MAML1: variants seen among roughly 807,000 people sequenced by gnomAD.
The protein encoded by MAML1 is mastermind like transcriptional coactivator 1.
A neutral mutation model predicts 77.1 loss-of-function variants in MAML1; 14 were observed. The observed-to-expected ratio is 0.18, with a 90% CI of 0.12 to 0.28. The LOEUF (loss-of-function observed/expected upper bound fraction) is 0.28, where lower values mean the gene tolerates loss of function less well. MAML1 is among the 10% of genes least tolerant of loss of function. The pLI is 1.00. For synonymous variants in MAML1, 516 were observed against 551.9 expected (o/e 0.93, Z 0.91); for missense variants, 1,217 against 1,327.8 (o/e 0.92, Z 1.30).
chr5:179,751,691 C>T (rs539953650), intron 1 of MAML1, among the ~76,000 whole-genome samples: 6 of 151,452 alleles, frequency 4.0e-5, no homozygotes, highest in African/African-American at 1.5e-4. Context: ...GGTGACAGAG[C>T]GAGACTCCAT....
chr5:179,747,296 A>T (rs1443546012), intron 1 of MAML1, among the ~76,000 whole-genome samples: 1 of 152,250 alleles, frequency 6.6e-6, no homozygotes, highest in Non-Finnish European at 1.5e-5. Flanking sequence ...ATGGTATTAT[A>T]GAAGGTGCTC....
intron 1 of MAML1, among the ~76,000 whole-genome samples, chr5:179,763,476 G>A (rs1779758165): frequency 2.0e-5 from 3 of 150,368 alleles, no homozygotes; most frequent in South Asian, 2.1e-4. Flanking sequence ...TTTTCAGACC[G>A]ACTTAGTTAC....
At chr5:179,752,075 C>G (rs1414705354) in intron 1 of MAML1, among the ~76,000 whole-genome samples, 2 of 151,750 alleles carry the variant, frequency 1.3e-5, no homozygotes, top group African/African-American at 2.4e-5. Context: ...CACCTGTAAT[C>G]CCAGCACTTT....
intron 2 of MAML1, 57 bp from the exon 3 acceptor site, chr5:179,768,793 G>C: frequency 1.4e-5 from 22 of 1,590,564 alleles, no homozygotes; most frequent in Non-Finnish European, 1.9e-5. Flanking sequence ...ACTGGATGGA[G>C]CTTATTTGGT....
rs548154551 is a variant in MAML1 at position 179,759,908 on chromosome 5, T to C, written c.316-5418T>C. ...GAGAAGTGGGTGGGTTCAAGAAATA[T>C]TAAGGAGGTAGACTCTACAGGACTT... On this transcript the variant is annotated intron_variant, in intron 1 of 4. Transcript: ENST00000292599. 9.2e-5 allele frequency among the ~76,000 whole-genome samples: 14 copies of C among 152,206 alleles called. No individual in the cohort carries two copies. In the East Asian group the frequency reaches 2.3e-3, roughly 25 times the overall value.
rs563577675 is a variant in MAML1, at chr5:179,738,954, A to G, written c.315+5527A>G. Among the ~76,000 whole-genome samples the G allele has an allele frequency of 1.7e-3, 253 of 151,920 alleles. 3 individuals carry two copies. The highest frequency in any genetic ancestry group is 5.9e-3 in the African/African-American group (245 of 41,476). ...AGCCACCACACCCAGCCTCATTGGCATCTTAGTCATCATTCTTCGTGACTT... is the reference window on the plus strand; with the variant it reads ...AGCCACCACACCCAGCCTCATTGGCGTCTTAGTCATCATTCTTCGTGACTT... On this transcript the variant is annotated intron_variant, in intron 1 of 4. Transcript: ENST00000292599.
Position 179,775,431 on chromosome 5 carries a change from C to G in MAML1, c.*554C>G. 6.1e-6 allele frequency: 6 copies of G among 985,398 alleles called. No homozygotes were observed. The highest frequency in any genetic ancestry group is 7.2e-6 in the Non-Finnish European group (6 of 829,928). The allele number at this position is 985,398 out of a possible 1,614,324, so 61.0% of individuals were successfully genotyped here. A position where few individuals can be genotyped will look rare whatever the true frequency, so the allele number is the denominator to read the frequency against. ...CCTAGGGTTTCCTTTTGATTAAGAG[C>G]CTTTTTTGTTTCTGCTCTTTGTCAG... is the stretch of plus-strand genomic sequence containing the variant. On this transcript the variant is annotated 3_prime_UTR_variant, in exon 5 of 5. Coordinates refer to ENST00000292599, the MANE Select transcript of MAML1 (RefSeq NM_014757.5).
chr5:179,735,063 T>C (rs1163703342), intron 1 of MAML1, among the ~76,000 whole-genome samples: 4 of 152,128 alleles, frequency 2.6e-5, no homozygotes, highest in Non-Finnish European at 5.9e-5. Flanking sequence ...TTGGGAGATA[T>C]ACCTAATGCT....
At position 179,775,322 on chromosome 5, in the gene MAML1, A is replaced by G. The variant is rs993565514; in HGVS notation, c.*445A>G. The G allele has an allele frequency of 6.1e-6, 6 of 984,288 alleles. No individual in the cohort carries two copies. The highest frequency in any genetic ancestry group is 5.3e-5 in the African/African-American group (3 of 56,314). The allele number at this position is 984,288 out of a possible 1,614,324, so 61.0% of individuals were successfully genotyped here. A position where few individuals can be genotyped will look rare whatever the true frequency, so the allele number is the denominator to read the frequency against. On this transcript the variant is annotated 3_prime_UTR_variant, in exon 5 of 5. Transcript: ENST00000292599. ...GAATTATTTGCAATTTGTAGCATAG[A>G]AAAGATTTTTAAATTTTTTTACAAA...
At position 179,774,130 on chromosome 5, in the gene MAML1, C is replaced by G; in HGVS notation, c.2304C>G (p.Ala768=). ...CTTCTGGCATAACCCAGATAGTTGC[C>G]CAGCCCCCGCCACAGGCCACCAATG... ...GMASGITQIV[A]QPPPQATNGH... The change falls in exon 5 of 5, where the codon GCC becomes GCG. Residue 768 remains alanine, a synonymous_variant. Transcript: ENST00000292599. 6.2e-7 allele frequency: 1 copy of G among 1,613,242 alleles called. No individual in the cohort carries two copies. Among genetic ancestry groups the G allele is most frequent in the Non-Finnish European group, 8.5e-7 (1 of 1,179,996 alleles).
rs1756079156 is a variant in MAML1 at position 179,774,336 on chromosome 5, C to T, written c.2510C>T (p.Ser837Phe). ...RVSPAMGGQN[S>F]SWQHQGMPNL... ...TCACCAGCCATGGGAGGCCAGAATT[C>T]CTCCTGGCAGCATCAGGGAATGCCG... The change falls in exon 5 of 5, where the codon TCC (serine) becomes TTC (phenylalanine). Residue 837 changes from serine (S) to phenylalanine (F), a missense_variant. By Grantham distance (155) the Ser-to-Phe change is radical. Transcript: ENST00000292599. The T allele has an allele frequency of 1.2e-6, 2 of 1,613,422 alleles. No homozygotes were observed. The highest frequency in any genetic ancestry group is 1.7e-6 in the Non-Finnish European group (2 of 1,180,032).
At chr5:179,749,333 T>C (rs1051310763) in intron 1 of MAML1, among the ~76,000 whole-genome samples, 1 of 151,924 alleles carries the variant, frequency 6.6e-6, no homozygotes, top group African/African-American at 2.4e-5. Context: ...TCCACGTTGG[T>C]CAGGCTGGTC....
Position 179,771,982 on chromosome 5 carries a change from G to A in MAML1, c.2068+739G>A, listed in dbSNP as rs575336295. Among the ~76,000 whole-genome samples the A allele has an allele frequency of 2.6e-5, 4 of 152,326 alleles. No homozygotes were observed. The highest frequency in any genetic ancestry group is 7.2e-5 in the African/African-American group (3 of 41,566). ...TATGTATGTGCTACCTGGGGTCAAC[G>A]TGGGGTTGAAATCTGCAGGCATTTC... On this transcript the variant is annotated intron_variant, in intron 4 of 4. Transcript: ENST00000292599. This position sits in a 1 kb window ranked among gnomAD's most constrained non-coding sequence, Gnocchi z 4.7.
Position 179,766,297 on chromosome 5 carries a change from A to T in MAML1, c.1287A>T (p.Thr429=). ...CACCAGCCCCGGGCCAGATGTCCAC[A>T]TGGCAGCAGACGGGGCCCTCCCACA... ...TPAPAPGQMS[T]WQQTGPSHSS... is the part of the protein sequence containing the mutation. The change falls in exon 2 of 5, where the codon ACA becomes ACT. Residue 429 remains threonine, a synonymous_variant. Coordinates refer to ENST00000292599, the MANE Select transcript of MAML1 (RefSeq NM_014757.5). The surrounding 1 kb of genome is among the most constrained non-coding windows in gnomAD (Gnocchi z 4.0). 1 of 1,613,304 alleles carries T rather than the reference A, an allele frequency of 6.2e-7. No homozygotes were observed. Among genetic ancestry groups the T allele is most frequent in the Non-Finnish European group, 8.5e-7 (1 of 1,179,592 alleles).
At chr5:179,746,514 C>T (rs1160455944) in intron 1 of MAML1, among the ~76,000 whole-genome samples, 1 of 151,896 alleles carries the variant, frequency 6.6e-6, no homozygotes, top group Non-Finnish European at 1.5e-5. Context: ...GCTGGGATTA[C>T]AGGCATACGC....
chr5:179,749,720 T>C (rs1244611612), intron 1 of MAML1, among the ~76,000 whole-genome samples: 2 of 152,002 alleles, frequency 1.3e-5, no homozygotes, highest in African/African-American at 4.8e-5. Flanking sequence ...CCACAGAGGA[T>C]GGCGAGAAGT....
intron 1 of MAML1, among the ~76,000 whole-genome samples, chr5:179,741,497 C>G (rs1372205337): frequency 6.6e-6 from 1 of 151,910 alleles, no homozygotes; most frequent in Admixed American, 6.6e-5. Context: ...GCAGCCTGGC[C>G]AAAATGGTGA....
chr5:179,772,055 ATT>A (rs963521398), intron 4 of MAML1, among the ~76,000 whole-genome samples: 1 of 152,116 alleles, frequency 6.6e-6, no homozygotes, highest in Admixed American at 6.5e-5. Context: ...CCCATCTGAC[ATT>A]TTGTGGATTA....
intron 4 of MAML1, among the ~76,000 whole-genome samples, chr5:179,772,952 A>G (rs183790430): frequency 7.2e-5 from 11 of 152,284 alleles, no homozygotes; most frequent in Admixed American, 2.0e-4. Flanking sequence ...GTGCAGTGGC[A>G]TGATCTCGGC....
Sources: allele counts gnomAD v4.1 joint callset (sites outside exome capture counted in the v4.1 genomes callset), GRCh38; gene constraint gnomAD v4.1.1; non-coding constraint Gnocchi (gnomAD v3.1); transcripts MANE v1.5; gene names NCBI Gene and HGNC (gene_info 2026-07-23, HGNC 2026-07-21).